ABI3BP: variants seen among roughly 807,000 people sequenced by gnomAD.
ABI3BP encodes target of Nesh-SH3.
Under a neutral mutation model 268.6 loss-of-function variants are expected in ABI3BP, and 216 were observed. The ratio of observed to expected loss-of-function variants is 0.80; its 90% CI spans 0.72 to 0.90. The LOEUF is 0.90. Ranked by LOEUF, ABI3BP falls within the 40% of genes least tolerant of loss-of-function variation. The probability of loss-of-function intolerance (pLI) is 0.00; values close to 1 mark genes in which losing one functional copy is unlikely to be tolerated. For missense variants in ABI3BP, 2,090 were observed against 2,182.4 expected (o/e 0.96, Z 0.84); for synonymous variants, 730 against 730.0 (o/e 1.00, Z 0.00).
At chr3:100,865,446 T>A (rs1581089399) in intron 10 of ABI3BP, among the ~76,000 whole-genome samples, 1 of 152,320 alleles carries the variant, frequency 6.6e-6, no homozygotes, top group East Asian at 1.9e-4. Flanking sequence ...GATCAGAATT[T>A]AAATGCTCAG....
At chr3:100,937,045 A>G (rs747599294) in intron 1 of ABI3BP, among the ~76,000 whole-genome samples, 1 of 151,818 alleles carries the variant, frequency 6.6e-6, no homozygotes, top group Non-Finnish European at 1.5e-5. Context: ...CCAATAGAGC[A>G]ATATTTATAA....
intron 20 of ABI3BP, among the ~76,000 whole-genome samples, chr3:100,842,712 C>T (rs966100465): frequency 6.6e-6 from 1 of 152,032 alleles, no homozygotes; most frequent in African/African-American, 2.4e-5. Context: ...TTTATTCAAA[C>T]TAGCAATAAG....
intron 57 of ABI3BP, among the ~76,000 whole-genome samples, chr3:100,785,867 G>A (rs752345593): frequency 6.6e-6 from 1 of 152,074 alleles, no homozygotes; most frequent in African/African-American, 2.4e-5. Flanking sequence ...TTAAAATTTT[G>A]TCTAGGTTGT....
At chr3:100,923,120 A>G (rs372343878) in intron 2 of ABI3BP, among the ~76,000 whole-genome samples, 1 of 152,226 alleles carries the variant, frequency 6.6e-6, no homozygotes, top group Non-Finnish European at 1.5e-5. Context: ...GATCTACAAT[A>G]TGAGGTAAGA....
chr3:100,841,311 C>T (rs1342663419), intron 21 of ABI3BP, among the ~76,000 whole-genome samples: 1 of 142,180 alleles, frequency 7.0e-6, no homozygotes, highest in African/African-American at 2.6e-5. Flanking sequence ...GTCCGTGGCA[C>T]TTTTCAAGAA....
chr3:100,824,763 A>G (rs2098335648), intron 36 of ABI3BP, 95 bp downstream of exon 36: 3 of 1,049,574 alleles, frequency 2.9e-6, no homozygotes, highest in African/African-American at 1.6e-5. Context: ...CTTAGGGAGA[A>G]TAAGACCTGT....
At chr3:100,832,468 A>C in intron 30 of ABI3BP, 118 bp from the exon 31 acceptor site, 1 of 1,003,240 alleles carries the variant, frequency 1.0e-6, no homozygotes, top group Non-Finnish European at 1.4e-6. Flanking sequence ...GAACTTTGTC[A>C]TTTTCGTTTG....
At chr3:100,926,955 A>AC (rs2061980282) in intron 1 of ABI3BP, among the ~76,000 whole-genome samples, 1 of 152,168 alleles carries the variant, frequency 6.6e-6, no homozygotes, top group African/African-American at 2.4e-5. Flanking sequence ...GGGATAACTG[A>AC]CATGGTAGAA....
At chr3:100,907,268 G>C (rs1303780443) in intron 2 of ABI3BP, among the ~76,000 whole-genome samples, 3 of 152,030 alleles carry the variant, frequency 2.0e-5, no homozygotes, top group Non-Finnish European at 2.9e-5. Flanking sequence ...CCAAGGTAGG[G>C]AGATCACTTG....
chr3:100,960,667 A>C (rs2078719796), intron 1 of ABI3BP, among the ~76,000 whole-genome samples: 1 of 152,226 alleles, frequency 6.6e-6, no homozygotes, highest in Non-Finnish European at 1.5e-5. Context: ...AGAGAGATTC[A>C]AAGCGTGCAA....
chr3:100,981,070 T>C (rs542221554), intron 1 of ABI3BP, among the ~76,000 whole-genome samples: 1 of 152,328 alleles, frequency 6.6e-6, no homozygotes, highest in African/African-American at 2.4e-5. Context: ...AGGAATGCTA[T>C]GGTGTGAATA....
At chr3:100,785,869 C>G (rs2097024692) in intron 57 of ABI3BP, among the ~76,000 whole-genome samples, 1 of 152,068 alleles carries the variant, frequency 6.6e-6, no homozygotes. Context: ...AAAATTTTGT[C>G]TAGGTTGTTT....
intron 50 of ABI3BP, among the ~76,000 whole-genome samples, chr3:100,805,464 T>C (rs565904543): frequency 1.5e-4 from 23 of 152,196 alleles, no homozygotes; most frequent in African/African-American, 5.1e-4. Flanking sequence ...AATAATAAGG[T>C]ACTAATATAA....
chr3:100,832,329 C>T lies in ABI3BP; in HGVS notation c.2336G>A (p.Arg779Lys). 1 of 1,534,894 alleles carries T rather than the reference C, an allele frequency of 6.5e-7. No individual in the cohort carries two copies. The highest frequency in any genetic ancestry group is 2.0e-5 in the Admixed American group (1 of 50,962). ...AGGTTTGGGATGTGGACGACGGGTT[C>T]TTTTTGTTGTTGTTGTTGGAGCTGA... ...TSSAPTTTTKRTRRPHPKPKT... is the reference protein window; with the variant it reads ...TSSAPTTTTKKTRRPHPKPKT... Residue 779 changes from arginine (R) to lysine (K), a missense_variant, in exon 31 of 68, where the codon AGA (arginine) becomes AAA (lysine). Coordinates refer to ENST00000471714, the MANE Select transcript of ABI3BP (RefSeq NM_001375547.2).
chr3:100,906,217 G>A lies in ABI3BP; in HGVS notation c.260-3531C>T, dbSNP rs1345969796. Among the ~76,000 whole-genome samples the A allele has an allele frequency of 2.0e-5, 3 of 152,250 alleles. No homozygotes were observed. The South Asian group carries it at 6.2e-4, about 32-fold the overall frequency. On this transcript the variant is annotated intron_variant, in intron 2 of 67. Transcript: ENST00000471714. ...CACTAGAAAAATAACATATACAGAA[G>A]CCAAAGATAGTACCATGATCCAAGA...
At chr3:100,858,412 C>T (rs1317805911) in intron 14 of ABI3BP, among the ~76,000 whole-genome samples, 1 of 152,080 alleles carries the variant, frequency 6.6e-6, no homozygotes, top group Admixed American at 6.5e-5. Context: ...CTGGGATATT[C>T]CAAATTTCAA....
chr3:100,931,607 C>CCA (rs1331666666), intron 1 of ABI3BP, among the ~76,000 whole-genome samples: 1 of 151,766 alleles, frequency 6.6e-6, no homozygotes, highest in East Asian at 1.9e-4. Flanking sequence ...TTCACAATAG[C>CCA]CACACACACA....
intron 54 of ABI3BP, among the ~76,000 whole-genome samples, chr3:100,794,321 C>T (rs79562916): frequency 0.038 from 5,754 of 151,986 alleles, 348 homozygotes; most frequent in African/African-American, 0.13. Context: ...AAACCCTCTA[C>T]GCCTCAATTT....
chr3:100,935,020 GCTTTT>G (rs2065416956), intron 1 of ABI3BP, among the ~76,000 whole-genome samples: 1 of 151,210 alleles, frequency 6.6e-6, no homozygotes, highest in East Asian at 2.0e-4. Context: ...TGTTGCCATT[GCTTTT>G]GGTGTTTTAG....
Sources: gnomAD v4.1 joint callset for allele counts (sites outside exome capture counted in the v4.1 genomes callset) on GRCh38, gnomAD v4.1.1 for gene constraint, MANE v1.5 for transcripts, NCBI Gene and HGNC (gene_info 2026-07-23, HGNC 2026-07-21) for gene names.